The following PTPRN2 variants were observed in gnomAD, a reference collection of about 807,000 sequenced individuals.
PTPRN2 encodes the protein receptor-type tyrosine-protein phosphatase N2.
Under a neutral mutation model 118.8 loss-of-function variants are expected in PTPRN2, and 74 were observed. The ratio of observed to expected loss-of-function variants is 0.62; its 90% CI spans 0.52 to 0.76. The LOEUF (loss-of-function observed/expected upper bound fraction) is 0.76. Ranked by LOEUF, PTPRN2 falls within the 30% of genes least tolerant of loss-of-function variation. The pLI is 0.00. For missense variants in PTPRN2, 1,481 were observed against 1,394.4 expected (o/e 1.06, Z -0.99); for synonymous variants, 641 against 608.0 (o/e 1.05, Z -0.80).
chr7:158,321,558 C>T (rs895451255), intron 2 of PTPRN2, among the ~76,000 whole-genome samples: 5 of 152,190 alleles, frequency 3.3e-5, no homozygotes, highest in African/African-American at 9.7e-5. Flanking sequence ...AGGCAGGAGG[C>T]CTTGGGTGAT....
intron 12 of PTPRN2, among the ~76,000 whole-genome samples, chr7:157,810,587 C>T (rs1310103290): frequency 3.9e-5 from 4 of 102,018 alleles, no homozygotes; most frequent in African/African-American, 1.5e-4. Flanking sequence ...TCCATGGGGA[C>T]AGGGACGGGG....
At chr7:157,602,754 A>G (rs1801755040) in intron 16 of PTPRN2, among the ~76,000 whole-genome samples, 1 of 152,226 alleles carries the variant, frequency 6.6e-6, no homozygotes, top group South Asian at 2.1e-4. Flanking sequence ...AGATCAGCAG[A>G]GCCGAGAGCT....
intron 14 of PTPRN2, among the ~76,000 whole-genome samples, chr7:157,637,466 T>C (rs1804388626): frequency 6.6e-6 from 1 of 152,154 alleles, no homozygotes; most frequent in Non-Finnish European, 1.5e-5. Context: ...TCCAGCAGCC[T>C]GGGGAGTGGC....
chr7:158,270,905 A>C (rs1248741432), intron 3 of PTPRN2, among the ~76,000 whole-genome samples: 48 of 3,798 alleles, frequency 0.013, no homozygotes, highest in Non-Finnish European at 0.017. Context: ...CACCTGGACC[A>C]CCCCCCCCAC....
At chr7:157,725,221 C>T (rs959594785) in intron 12 of PTPRN2, among the ~76,000 whole-genome samples, 8 of 144,332 alleles carry the variant, frequency 5.5e-5, no homozygotes, top group East Asian at 2.2e-4. Flanking sequence ...GCCAGACCCT[C>T]GCCTCCCAGG....
chr7:158,335,789 G>C (rs12668288), intron 2 of PTPRN2, among the ~76,000 whole-genome samples: 19 of 3,350 alleles, frequency 5.7e-3, no homozygotes, highest in African/African-American at 0.014. Flanking sequence ...CACACCCACA[G>C]TCTCACCATA....
chr7:158,155,543 A>AT, intron 6 of PTPRN2, among the ~76,000 whole-genome samples: 1 of 135,478 alleles, frequency 7.4e-6, no homozygotes, highest in African/African-American at 3.1e-5. Context: ...CACTATCATC[A>AT]CCATCAACAC....
chr7:158,142,391 G>T (rs941439041), intron 6 of PTPRN2, among the ~76,000 whole-genome samples: 2 of 152,220 alleles, frequency 1.3e-5, no homozygotes, highest in East Asian at 1.9e-4. Context: ...GCGCATCCCT[G>T]TATCGACCCA....
At chr7:158,092,838 T>G (rs1814303090) in intron 10 of PTPRN2, among the ~76,000 whole-genome samples, 1 of 152,134 alleles carries the variant, frequency 6.6e-6, no homozygotes, top group South Asian at 2.1e-4. Flanking sequence ...CAGGGGAACT[T>G]CCAAGAAACC....
intron 2 of PTPRN2, among the ~76,000 whole-genome samples, chr7:158,370,340 G>A (rs10245947): frequency 0.028 from 4,258 of 152,264 alleles, 219 homozygotes; most frequent in African/African-American, 0.097. Flanking sequence ...AGAGGCTGAG[G>A]CAGGAGAATT....
At chr7:158,367,369 C>T (rs918412915) in intron 2 of PTPRN2, among the ~76,000 whole-genome samples, 5 of 152,218 alleles carry the variant, frequency 3.3e-5, no homozygotes, top group East Asian at 1.9e-4. Flanking sequence ...CTATGCTAGA[C>T]AACTGCTGAC....
chr7:158,442,730 C>A (rs893916168), intron 2 of PTPRN2, among the ~76,000 whole-genome samples: 1 of 152,218 alleles, frequency 6.6e-6, no homozygotes, highest in Admixed American at 6.5e-5. Flanking sequence ...ATGCAGCGTT[C>A]CGCCTGCTTC....
At chr7:158,127,629 C>T (rs1330022621) in intron 9 of PTPRN2, among the ~76,000 whole-genome samples, 1 of 152,186 alleles carries the variant, frequency 6.6e-6, no homozygotes. Context: ...CCCCAAAATC[C>T]ACCTCACTGG....
chr7:158,285,881 A>G (rs1799737067), intron 3 of PTPRN2, among the ~76,000 whole-genome samples: 1 of 152,198 alleles, frequency 6.6e-6, no homozygotes, highest in South Asian at 2.1e-4. Flanking sequence ...GAGGACACCA[A>G]AGGTTTCACA....
Position 157,615,606 on chromosome 7 carries a change from G to A in PTPRN2, c.2344+5756C>T. The A allele has an allele frequency of 2.1e-6, 1 of 471,236 alleles. No homozygotes were observed. The highest frequency in any genetic ancestry group is 4.4e-6 in the Non-Finnish European group (1 of 227,072). The allele number at this position is 471,236 out of a possible 1,614,324, so 29.2% of individuals were successfully genotyped here. ...TCCCGCGGTGGATCCGCGTCACGGGGGAGGATTGGCTCAGCACTGGTCCTG... is the reference window on the plus strand; with the variant it reads ...TCCCGCGGTGGATCCGCGTCACGGGAGAGGATTGGCTCAGCACTGGTCCTG... On this transcript the variant is annotated intron_variant, in intron 15 of 22. Transcript: ENST00000389418. This position sits in a 1 kb window ranked among gnomAD's most constrained non-coding sequence, Gnocchi z 4.3.
intron 2 of PTPRN2, among the ~76,000 whole-genome samples, chr7:158,326,482 TAC>T (rs1280818583): frequency 2.6e-5 from 4 of 152,192 alleles, no homozygotes; most frequent in African/African-American, 9.6e-5. Context: ...AGCAACCACA[TAC>T]ACAGACATTC....
At position 157,756,356 on chromosome 7, in the gene PTPRN2, G is replaced by A. The variant is rs542375592; in HGVS notation, c.1789-73419C>T. On this transcript the variant is annotated intron_variant, in intron 12 of 22. Transcript: ENST00000389418. ...GTCGCCCAGGCTGGAGTGCAGTGGC[G>A]CGATCTCGGCTCACTGCAGCCTCTG... is the stretch of plus-strand genomic sequence containing the variant. 2.5e-3 allele frequency among the ~76,000 whole-genome samples: 384 copies of A among 151,472 alleles called. 3 individuals carry two copies. The highest frequency in any genetic ancestry group is 9.1e-3 in the African/African-American group (377 of 41,208).
intron 2 of PTPRN2, among the ~76,000 whole-genome samples, chr7:158,429,601 C>T (rs897081940): frequency 2.6e-5 from 4 of 152,244 alleles, no homozygotes; most frequent in Admixed American, 6.5e-5. Context: ...TGCCACCCTC[C>T]GCTCAAGCAC....
rs868849392 is a variant in PTPRN2, at chr7:158,017,751, G to C, written c.1723+63547C>G. On this transcript the variant is annotated intron_variant, in intron 11 of 22. Transcript: ENST00000389418. ...AAGGAGGAGCACCCAGCCAGGGCTG[G>C]GCGGCCAGCAGGGACAGAAGGACGC... 1.2e-4 allele frequency among the ~76,000 whole-genome samples: 18 copies of C among 152,216 alleles called. No individual in the cohort carries two copies. The South Asian group carries it at 1.5e-3, about 12-fold the overall frequency.
Sources: gnomAD v4.1 joint callset for allele counts (sites outside exome capture counted in the v4.1 genomes callset) on GRCh38, gnomAD v4.1.1 for gene constraint, Gnocchi (gnomAD v3.1) non-coding constraint, MANE v1.5 for transcripts, NCBI Gene and HGNC (gene_info 2026-07-23, HGNC 2026-07-21) for gene names.